Variants in SLC9A9 observed in about 807,000 individuals in gnomAD.
SLC9A9 encodes solute carrier family 9 member A9, also known as sodium/hydrogen exchanger 9.
SLC9A9 carries 62 observed loss-of-function variants against 77.8 expected under a neutral mutation model. The observed-to-expected ratio is 0.80, with a 90% CI of 0.65 to 0.98. The LOEUF is 0.98. Ranked by LOEUF, SLC9A9 falls within the 50% of genes least tolerant of loss-of-function variation. The pLI, the probability that SLC9A9 is intolerant of heterozygous loss-of-function variation, is 0.00. For missense variants in SLC9A9, 775 were observed against 774.9 expected, an observed-to-expected ratio of 1.00 and a Z score of 0.00; for synonymous variants, 320 against 283.5, an observed-to-expected ratio of 1.13 and a Z score of -1.29.
intron 14 of SLC9A9, among the ~76,000 whole-genome samples, chr3:143,288,283 C>CA (rs1456340339): frequency 6.6e-6 from 1 of 151,498 alleles, no homozygotes; most frequent in Non-Finnish European, 1.5e-5. Flanking sequence ...AAAACAAAAC[C>CA]AAAGAACATA....
intron 13 of SLC9A9, among the ~76,000 whole-genome samples, chr3:143,364,558 T>C (rs918032338): frequency 1.3e-5 from 2 of 152,172 alleles, no homozygotes; most frequent in Non-Finnish European, 2.9e-5. Flanking sequence ...TGAGCTCATA[T>C]TGATTTGCTT....
intron 2 of SLC9A9, among the ~76,000 whole-genome samples, chr3:143,821,861 G>A (rs2009173453): frequency 6.6e-6 from 1 of 152,212 alleles, no homozygotes; most frequent in South Asian, 2.1e-4. Context: ...TCTAGGTACT[G>A]TTCTCAGGTT....
chr3:143,664,971 T>C (rs965673730), intron 5 of SLC9A9, among the ~76,000 whole-genome samples: 2 of 152,240 alleles, frequency 1.3e-5, no homozygotes, highest in African/African-American at 4.8e-5. Flanking sequence ...AACTCAGCTC[T>C]GCACCAAGTG....
chr3:143,801,673 C>T lies in SLC9A9; in HGVS notation c.379-4770G>A, dbSNP rs562941966. Among the ~76,000 whole-genome samples the T allele has an allele frequency of 7.2e-5, 11 of 152,278 alleles. No individual in the cohort carries two copies. The South Asian group carries it at 1.2e-3, about 17-fold the overall frequency. On this transcript the variant is annotated intron_variant, in intron 2 of 15. Coordinates refer to ENST00000316549, the MANE Select transcript of SLC9A9 (RefSeq NM_173653.4). ...TGATGGCAGCTCCATCAGGCCTAAT[C>T]GCCACTCACCAGCAAAGGCAGGCTA...
At chr3:143,625,097 G>A (rs908952352) in intron 6 of SLC9A9, among the ~76,000 whole-genome samples, 6 of 152,142 alleles carry the variant, frequency 3.9e-5, no homozygotes, top group Non-Finnish European at 8.8e-5. Flanking sequence ...ACAAACCACT[G>A]CTCAATGAAA....
At chr3:143,773,002 A>C (rs1576716124) in intron 4 of SLC9A9, among the ~76,000 whole-genome samples, 2 of 152,378 alleles carry the variant, frequency 1.3e-5, no homozygotes, top group East Asian at 1.9e-4. Flanking sequence ...TCTATACAGA[A>C]GATCATTGTT....
chr3:143,658,125 C>T (rs1279435797), intron 5 of SLC9A9, among the ~76,000 whole-genome samples: 2 of 152,122 alleles, frequency 1.3e-5, no homozygotes, highest in Non-Finnish European at 2.9e-5. Flanking sequence ...CCTTGGCCTC[C>T]CAAAGTGCTG....
intron 10 of SLC9A9, 64 bp from the exon 11 acceptor site, chr3:143,493,828 G>C (rs948711949): frequency 2.6e-5 from 31 of 1,190,850 alleles, no homozygotes; most frequent in Non-Finnish European, 3.5e-5. Flanking sequence ...GAATCCTTGA[G>C]CTTAAATATT....
intron 9 of SLC9A9, among the ~76,000 whole-genome samples, chr3:143,546,341 A>G (rs907775460): frequency 4.6e-5 from 7 of 152,258 alleles, no homozygotes; most frequent in South Asian, 2.1e-4. Flanking sequence ...AGAATGTGCT[A>G]TAATGAAGAT....
At chr3:143,318,599 C>T (rs999434716) in intron 14 of SLC9A9, among the ~76,000 whole-genome samples, 1 of 152,152 alleles carries the variant, frequency 6.6e-6, no homozygotes, top group Admixed American at 6.5e-5. Flanking sequence ...CAAAACAACC[C>T]ATCTGTCACA....
intron 14 of SLC9A9, among the ~76,000 whole-genome samples, chr3:143,328,819 T>C (rs540582970): frequency 1.3e-5 from 2 of 152,366 alleles, no homozygotes; most frequent in South Asian, 2.1e-4. Context: ...AGGGGTTGTA[T>C]GTTGGTAACA....
chr3:143,355,553 G>A (rs1434436704), intron 14 of SLC9A9, among the ~76,000 whole-genome samples: 1 of 152,154 alleles, frequency 6.6e-6, no homozygotes, highest in East Asian at 1.9e-4. Flanking sequence ...ATAGCTTCTG[G>A]CCACAGACCA....
At chr3:143,735,260 A>C (rs140500047) in intron 4 of SLC9A9, among the ~76,000 whole-genome samples, 1 of 152,224 alleles carries the variant, frequency 6.6e-6, no homozygotes, top group African/African-American at 2.4e-5. Context: ...TGCAATCAAT[A>C]ATGTGAAGCA....
intron 12 of SLC9A9, among the ~76,000 whole-genome samples, chr3:143,465,963 G>C (rs2035273785): frequency 6.6e-6 from 1 of 152,152 alleles, no homozygotes; most frequent in Admixed American, 6.5e-5. Flanking sequence ...AGTTGGCCTG[G>C]TTTGAGCATA....
chr3:143,716,157 C>T (rs1225198509), intron 4 of SLC9A9, among the ~76,000 whole-genome samples: 1 of 152,150 alleles, frequency 6.6e-6, no homozygotes, highest in Non-Finnish European at 1.5e-5. Context: ...TTACTGTAGC[C>T]TTGACCTCCT....
intron 6 of SLC9A9, among the ~76,000 whole-genome samples, chr3:143,609,162 A>C (rs2037976774): frequency 6.6e-6 from 1 of 152,184 alleles, no homozygotes. Context: ...CAAATGACCT[A>C]AGAGAACAGA....
chr3:143,335,436 G>A (rs1288345802), intron 14 of SLC9A9, among the ~76,000 whole-genome samples: 2 of 152,106 alleles, frequency 1.3e-5, no homozygotes, highest in African/African-American at 4.8e-5. Flanking sequence ...AAATTCACGT[G>A]AATCTCAAGG....
intron 1 of SLC9A9, among the ~76,000 whole-genome samples, chr3:143,834,253 A>G (rs781668160): frequency 2.0e-5 from 3 of 152,182 alleles, no homozygotes; most frequent in Non-Finnish European, 4.4e-5. Flanking sequence ...TGAGTGCTTG[A>G]TCCACCACAG....
chr3:143,462,240 G>C (rs2035205852), intron 12 of SLC9A9, among the ~76,000 whole-genome samples: 1 of 152,078 alleles, frequency 6.6e-6, no homozygotes, highest in East Asian at 1.9e-4. Flanking sequence ...GGGCATGGTG[G>C]TGCACACCTG....
Sources: gnomAD v4.1 joint callset for allele counts (sites outside exome capture counted in the v4.1 genomes callset) on GRCh38, gnomAD v4.1.1 for gene constraint, MANE v1.5 for transcripts, NCBI Gene and HGNC (gene_info 2026-07-23, HGNC 2026-07-21) for gene names.